Variants in FBXO10 observed in about 807,000 individuals in gnomAD.
The protein encoded by FBXO10 is F-box only protein 10.
Under a neutral mutation model 80.7 loss-of-function variants are expected in FBXO10, and 39 were observed. The observed-to-expected ratio is 0.48, with a 90% CI of 0.37 to 0.63. The LOEUF (loss-of-function observed/expected upper bound fraction) is 0.63. Among genes scored for constraint, FBXO10 ranks in the 30% least tolerant of loss-of-function variants. FBXO10 has a pLI of 0.00. For missense variants in FBXO10, 1,025 were observed against 1,269.0 expected (o/e 0.81, Z 2.92); for synonymous variants, 449 against 489.6 (o/e 0.92, Z 1.09).
chr9:37,527,588 G>A (rs746992781), intron 5 of FBXO10, among the ~76,000 whole-genome samples: 4 of 152,084 alleles, frequency 2.6e-5, no homozygotes, highest in Non-Finnish European at 5.9e-5. Context: ...CTGAGATCAC[G>A]GCTGAGTTCC....
chr9:37,533,264 G>A (rs1293039128), intron 3 of FBXO10, among the ~76,000 whole-genome samples: 1 of 152,236 alleles, frequency 6.6e-6, no homozygotes, highest in Non-Finnish European at 1.5e-5. Flanking sequence ...TTGAAAAACA[G>A]GCCAGGTGTG....
At chr9:37,532,821 G>A (rs536301505) in intron 3 of FBXO10, among the ~76,000 whole-genome samples, 16 of 152,324 alleles carry the variant, frequency 1.1e-4, no homozygotes, top group African/African-American at 2.6e-4. Flanking sequence ...CCCAGGGGTC[G>A]AGGGTGCAGC....
At chr9:37,562,192 G>A (rs771058762) in intron 1 of FBXO10, among the ~76,000 whole-genome samples, 6 of 152,192 alleles carry the variant, frequency 3.9e-5, no homozygotes, top group Non-Finnish European at 7.3e-5. Flanking sequence ...GGCAGGCTGG[G>A]GTCAGGAATA....
intron 1 of FBXO10, among the ~76,000 whole-genome samples, chr9:37,572,160 T>A (rs1822776325): frequency 6.6e-6 from 1 of 151,574 alleles, no homozygotes. Context: ...ACCTCAAGAG[T>A]AACCAAGGAG....
At chr9:37,553,022 G>C (rs1472082113) in intron 1 of FBXO10, among the ~76,000 whole-genome samples, 2 of 147,386 alleles carry the variant, frequency 1.4e-5, no homozygotes, top group African/African-American at 5.2e-5. Flanking sequence ...TTGTGTGTGT[G>C]TGTGTGTGTG....
At position 37,537,081 on chromosome 9, in the gene FBXO10, C is replaced by T. The variant is rs754482792; in HGVS notation, c.1419+29G>A. 4 of 1,550,754 alleles carry T rather than the reference C, an allele frequency of 2.6e-6. No individual in the cohort carries two copies. The Admixed American group carries it at 5.3e-5, about 21-fold the overall frequency. The stretch of plus-strand genomic sequence containing the variant: ...CTTCCTACATATAGCCACAGGAGCC[C>T]CCTGACCAATCTAAAGTCATGACAG... On this transcript the variant is annotated intron_variant, in intron 3 of 10. Coordinates refer to ENST00000432825, the MANE Select transcript of FBXO10 (RefSeq NM_012166.3).
rs750848905 is a variant in FBXO10, at chr9:37,512,604, T to C, written c.2814A>G (p.Thr938=). The C allele has an allele frequency of 6.2e-7, 1 of 1,614,040 alleles. No individual in the cohort carries two copies. The highest frequency in any genetic ancestry group is 2.2e-5 in the East Asian group (1 of 44,886). The stretch of plus-strand genomic sequence containing the variant: ...TGTGGTAACCACCTTCCACCCGGGC[T>C]GTGATCCTCGTTGCCATGGCTGTCA... ...QKVTAMATRI[T]ARVEGGYHSN... The change falls in exon 11 of 11, where the codon ACA becomes ACG. Residue 938 remains threonine, a synonymous_variant. Coordinates refer to ENST00000432825, the MANE Select transcript of FBXO10 (RefSeq NM_012166.3).
intron 1 of FBXO10, among the ~76,000 whole-genome samples, chr9:37,567,982 C>T (rs1260531372): frequency 6.6e-6 from 1 of 152,106 alleles, no homozygotes; most frequent in Non-Finnish European, 1.5e-5. Context: ...GTAAGAATCC[C>T]CCATCCTCTT....
At chr9:37,541,058 GGAGTAT>G (rs1464646121) in intron 2 of FBXO10, 120 bp downstream of exon 2, 8 of 751,822 alleles carry the variant, frequency 1.1e-5, no homozygotes, top group African/African-American at 8.8e-5. Flanking sequence ...AGCACTCAGA[GGAGTAT>G]GAGTATAATA....
At chr9:37,546,169 A>T (rs1033451610) in intron 1 of FBXO10, among the ~76,000 whole-genome samples, 1 of 151,932 alleles carries the variant, frequency 6.6e-6, no homozygotes, top group Admixed American at 6.6e-5. Flanking sequence ...GTGATTTTTG[A>T]AAGAAAGGAA....
At chr9:37,525,051 G>T in intron 6 of FBXO10, 51 bp downstream of exon 6, 1 of 1,499,668 alleles carries the variant, frequency 6.7e-7, no homozygotes, top group Non-Finnish European at 9.1e-7. Flanking sequence ...GGGGGGTGAC[G>T]CCAGGGGACC....
chr9:37,525,274 A>T (rs907318365), intron 5 of FBXO10, 102 bp from the exon 6 acceptor site: 11 of 1,151,704 alleles, frequency 9.6e-6, no homozygotes, highest in Non-Finnish European at 1.3e-5. Context: ...TCTACAAAAA[A>T]TACAAAAAAA....
At chr9:37,553,224 T>C (rs550952272) in intron 1 of FBXO10, among the ~76,000 whole-genome samples, 1 of 152,150 alleles carries the variant, frequency 6.6e-6, no homozygotes, top group African/African-American at 2.4e-5. Context: ...GTATTTTTAG[T>C]AGAGACAGGG....
Position 37,516,823 on chromosome 9 carries a change from T to G in FBXO10, c.2515-738A>C, listed in dbSNP as rs144710027. Among the ~76,000 whole-genome samples the G allele has an allele frequency of 6.9e-3, 1,043 of 152,050 alleles. 7 individuals carry two copies. The highest frequency in any genetic ancestry group is 0.012 in the Non-Finnish European group (810 of 67,978). The stretch of plus-strand genomic sequence containing the variant: ...CTAAAAATACAAAATTAGCTGGGCA[T>G]GGCGGCACATGCCTGTAATCCCAGC... On this transcript the variant is annotated intron_variant, in intron 9 of 10. Transcript: ENST00000432825.
chr9:37,513,794 TGGCCA>T (rs1417205458), intron 10 of FBXO10, among the ~76,000 whole-genome samples: 1 of 152,158 alleles, frequency 6.6e-6, no homozygotes, highest in Non-Finnish European at 1.5e-5. Flanking sequence ...TTCACCATGT[TGGCCA>T]GGCTGGTCTC....
intron 2 of FBXO10, among the ~76,000 whole-genome samples, chr9:37,538,516 T>A (rs895818527): frequency 6.6e-6 from 1 of 152,054 alleles, no homozygotes; most frequent in African/African-American, 2.4e-5. Context: ...GAGACCAGCC[T>A]TGTCAACATG....
At chr9:37,563,017 T>C (rs956168955) in intron 1 of FBXO10, among the ~76,000 whole-genome samples, 5 of 152,152 alleles carry the variant, frequency 3.3e-5, no homozygotes, top group Non-Finnish European at 5.9e-5. Flanking sequence ...CTCCCCATAA[T>C]CCCCATGTGT....
At chr9:37,568,729 A>AGAGTTCATGTGGTCTAAGGTCG (rs1425901182) in intron 1 of FBXO10, among the ~76,000 whole-genome samples, 2 of 151,514 alleles carry the variant, frequency 1.3e-5, no homozygotes, top group Non-Finnish European at 2.9e-5. Flanking sequence ...GTCTAAGGTC[A>AGAGTTCATGTGGTCTAAGGTCG]GAGTTCATGT....
chr9:37,556,852 T>G (rs1302465288), intron 1 of FBXO10, among the ~76,000 whole-genome samples: 1 of 152,220 alleles, frequency 6.6e-6, no homozygotes, highest in Non-Finnish European at 1.5e-5. Context: ...GCCTGTTCTG[T>G]ATTCTTTAAT....
Sources: allele counts gnomAD v4.1 joint callset (sites outside exome capture counted in the v4.1 genomes callset), GRCh38; gene constraint gnomAD v4.1.1; transcripts MANE v1.5; gene names NCBI Gene and HGNC (gene_info 2026-07-23, HGNC 2026-07-21).